RHBG: variants seen among roughly 807,000 people sequenced by gnomAD.
RHBG encodes the protein Rh family B glycoprotein, also known as ammonium transporter Rh type B.
RHBG carries 39 observed loss-of-function variants against 40.1 expected under a neutral mutation model. The ratio of observed to expected loss-of-function variants is 0.97; its 90% CI spans 0.75 to 1.27. RHBG has a LOEUF of 1.27. Ranked by LOEUF, RHBG falls within the 50% of genes most tolerant of loss-of-function variation. The probability of loss-of-function intolerance (pLI) is 0.00; values close to 1 mark genes in which losing one functional copy is unlikely to be tolerated. For synonymous variants in RHBG, 237 were observed against 252.5 expected (o/e 0.94, Z 0.58); for missense variants, 549 against 588.1 (o/e 0.93, Z 0.69).
At chr1:156,382,598 G>A in intron 7 of RHBG, 150 bp from the exon 8 acceptor site, 2 of 943,870 alleles carry the variant, frequency 2.1e-6, no homozygotes, top group East Asian at 4.8e-5. Context: ...GTGGCCTGGA[G>A]GTGAGACTCA....
At chr1:156,381,630 T>A in intron 5 of RHBG, 117 bp downstream of exon 5, 2 of 1,397,786 alleles carry the variant, frequency 1.4e-6, no homozygotes, top group Non-Finnish European at 1.9e-6. Context: ...GCATAGGGGC[T>A]CCATCTGTGC....
chr1:156,371,781 C>T (rs1467587841), intron 1 of RHBG: 3 of 152,410 alleles, frequency 2.0e-5, no homozygotes, highest in Admixed American at 1.3e-4. Context: ...CTTGCTTCTC[C>T]TCGAAGCCTC....
chr1:156,374,979 TG>T (rs1316687630), intron 1 of RHBG, among the ~76,000 whole-genome samples: 1 of 152,192 alleles, frequency 6.6e-6, no homozygotes, highest in Non-Finnish European at 1.5e-5. Flanking sequence ...TTTTAGGATC[TG>T]GGTGATTTGG....
intron 1 of RHBG, chr1:156,374,737 C>A (rs1471594243): frequency 2.0e-5 from 6 of 300,738 alleles, no homozygotes; most frequent in Non-Finnish European, 3.9e-5. Flanking sequence ...CAGGTACCCG[C>A]CACCACACCT....
chr1:156,378,260 T>G lies in RHBG; in HGVS notation c.534T>G (p.Asp178Glu). The G allele has an allele frequency of 6.2e-7, 1 of 1,613,856 alleles. No individual in the cohort carries two copies. Among genetic ancestry groups the G allele is most frequent in the Non-Finnish European group, 8.5e-7 (1 of 1,179,970 alleles). ...TCACCCCACCTCCCCAGGTGAGAGA[T>G]GCCGGAGGCTCCATGACTATCCACA... ...FVLLHLLGVR[D>E]AGGSMTIHTF... The change falls in exon 4 of 10, where the codon GAT (aspartate) becomes GAG (glutamate). Residue 178 changes from aspartate (D) to glutamate (E), a missense_variant. Physicochemically the swap from Asp to Glu is conservative, Grantham distance 45. Around this residue, in one of 3 missense-constraint regions of RHBG, gnomAD observed 399 missense variants for 417.0 expected, o/e 0.96. Transcript: ENST00000537040.
In RHBG at chr1:156,378,126, C is replaced by T; in HGVS notation, c.511C>T (p.Leu171Phe). The change falls in exon 3 of 10, where the codon CTT (leucine) becomes TTT (phenylalanine). Residue 171 changes from leucine to phenylalanine, a missense_variant. By Grantham distance (22) the Leu-to-Phe change is conservative. Transcript: ENST00000537040. ...VLFGINEFVL[L>F]HLLGVRDAGG... Reference sequence around the variant, plus strand: ...GTTTGGCATCAATGAGTTTGTGCTCCTTCATCTCCTGGGGGTGAGAGTCTG... The same window carrying T: ...GTTTGGCATCAATGAGTTTGTGCTCTTTCATCTCCTGGGGGTGAGAGTCTG... 6.2e-7 allele frequency: 1 copy of T among 1,600,890 alleles called. No homozygotes were observed.
chr1:156,382,335 G>A, intron 7 of RHBG, 134 bp downstream of exon 7: 1 of 1,462,402 alleles, frequency 6.8e-7, no homozygotes, highest in Non-Finnish European at 9.4e-7. Flanking sequence ...AAAGGAAATT[G>A]GAGTTAACAA....
At chr1:156,369,888 T>A (rs2101744253) in intron 1 of RHBG, among the ~76,000 whole-genome samples, 1 of 152,036 alleles carries the variant, frequency 6.6e-6, no homozygotes, top group African/African-American at 2.4e-5. Context: ...GCAGGGAAGG[T>A]AAGAGTGGGG....
intron 4 of RHBG, among the ~76,000 whole-genome samples, chr1:156,380,725 C>CAAAAAAAA (rs564713959): frequency 1.2e-5 from 1 of 81,998 alleles, no homozygotes. Context: ...GACCTTGTCT[C>CAAAAAAAA]AAAAAAAAAA....
chr1:156,378,709 C>T (rs910299743), intron 4 of RHBG, among the ~76,000 whole-genome samples: 1 of 152,200 alleles, frequency 6.6e-6, no homozygotes, highest in Non-Finnish European at 1.5e-5. Flanking sequence ...GCCACGTCAG[C>T]CCCTCCTCCT....
chr1:156,369,445 G>C lies in RHBG; in HGVS notation c.187+9G>C. On this transcript the variant is annotated intron_variant, in intron 1 of 9. Coordinates refer to ENST00000537040, the MANE Select transcript of RHBG (RefSeq NM_020407.5). ...TTACTTTCGCTACCCAAGTGAGTGC[G>C]GGGTGAGGGCGCGCGGGAAGCAAAG... is the stretch of plus-strand genomic sequence containing the variant. The C allele has an allele frequency of 6.3e-7, 1 of 1,598,352 alleles. No homozygotes were observed. The highest frequency in any genetic ancestry group is 8.5e-7 in the Non-Finnish European group (1 of 1,170,392).
chr1:156,377,224 T>C lies in RHBG; in HGVS notation c.188-77T>C. The stretch of plus-strand genomic sequence containing the variant: ...CCTGGCTGGTGAGAGCCAGGGGCAC[T>C]GGCAGGGTAGCTGACTGGATTGTGG... On this transcript the variant is annotated intron_variant, in intron 1 of 9. Coordinates refer to ENST00000537040, the MANE Select transcript of RHBG (RefSeq NM_020407.5). The surrounding 1 kb of genome is among the most constrained non-coding windows in gnomAD (Gnocchi z 4.6). 6.7e-7 allele frequency: 1 copy of C among 1,494,856 alleles called. No homozygotes were observed. The highest frequency in any genetic ancestry group is 1.2e-5 in the South Asian group (1 of 82,010). 92.6% of individuals were successfully genotyped at this position (1,494,856 alleles called of 1,614,324 possible).
intron 4 of RHBG, among the ~76,000 whole-genome samples, chr1:156,379,668 T>C (rs1667477105): frequency 6.6e-6 from 1 of 152,186 alleles, no homozygotes; most frequent in Non-Finnish European, 1.5e-5. Flanking sequence ...CCTTCCTGGA[T>C]TCTCCCACAA....
chr1:156,384,701 C>A, intron 9 of RHBG, 76 bp from the exon 10 acceptor site: 1 of 1,554,704 alleles, frequency 6.4e-7, no homozygotes, highest in Non-Finnish European at 8.8e-7. Flanking sequence ...TCCTTCTCCT[C>A]TGGGGTACAC....
intron 1 of RHBG, among the ~76,000 whole-genome samples, chr1:156,370,926 C>T (rs1666814201): frequency 6.6e-6 from 1 of 150,908 alleles, no homozygotes; most frequent in Non-Finnish European, 1.5e-5. Flanking sequence ...AGAGCCTCAC[C>T]TTCAAAGGTT....
chr1:156,372,692 T>C (rs1198216324), intron 1 of RHBG, among the ~76,000 whole-genome samples: 1 of 152,162 alleles, frequency 6.6e-6, no homozygotes, highest in Non-Finnish European at 1.5e-5. Context: ...TCCCCCTGCT[T>C]CTTCTTGATT....
intron 1 of RHBG, 121 bp downstream of exon 1, chr1:156,369,557 G>T (rs1300577106): frequency 4.6e-6 from 5 of 1,083,592 alleles, no homozygotes; most frequent in Non-Finnish European, 6.5e-6. Flanking sequence ...TCGCTCTGAG[G>T]TGGAGGGGCT....
chr1:156,382,326 A>G (rs762967892), intron 7 of RHBG, 125 bp downstream of exon 7: 1 of 1,503,056 alleles, frequency 6.7e-7, no homozygotes, highest in Admixed American at 1.8e-5. Context: ...TCTGGGAGCA[A>G]AGGAAATTGG....
At chr1:156,378,497 G>A in intron 4 of RHBG, 98 bp downstream of exon 4, 2 of 1,405,116 alleles carry the variant, frequency 1.4e-6, no homozygotes, top group Admixed American at 2.3e-5. Flanking sequence ...CTGCAGTCCT[G>A]GGGTTGTGGG....
Sources: allele counts gnomAD v4.1 joint callset (sites outside exome capture counted in the v4.1 genomes callset), GRCh38; gene constraint gnomAD v4.1.1; regional missense constraint gnomAD v4.1.1; non-coding constraint Gnocchi (gnomAD v3.1); transcripts MANE v1.5; gene names NCBI Gene and HGNC (gene_info 2026-07-23, HGNC 2026-07-21).